The following CHRNA5 variants were observed in gnomAD, a reference collection of about 807,000 sequenced individuals.
The protein encoded by CHRNA5 is cholinergic receptor nicotinic alpha 5 subunit, also known as neuronal acetylcholine receptor subunit alpha-5.
A neutral mutation model predicts 41.2 loss-of-function variants in CHRNA5; 28 were observed. That is an observed-to-expected ratio of 0.68 (90% CI 0.50 to 0.93). CHRNA5 has a LOEUF of 0.93. Ranked by LOEUF, CHRNA5 falls within the 40% of genes least tolerant of loss-of-function variation. The pLI is 0.00. For missense variants in CHRNA5, 481 were observed against 581.9 expected (o/e 0.83, Z 1.78); for synonymous variants, 188 against 205.8 (o/e 0.91, Z 0.74).
At chr15:78,575,644 C>A (rs1383541013) in intron 1 of CHRNA5, among the ~76,000 whole-genome samples, 1 of 152,198 alleles carries the variant, frequency 6.6e-6, no homozygotes. Context: ...GTTGGTCTAT[C>A]AGTTACCATT....
intron 1 of CHRNA5, among the ~76,000 whole-genome samples, chr15:78,573,375 T>C (rs1043829127): frequency 2.6e-5 from 4 of 152,218 alleles, no homozygotes; most frequent in Non-Finnish European, 5.9e-5. Flanking sequence ...GTACTTTGCA[T>C]AGCCATAGAA....
chr15:78,569,753 G>A (rs144192346), intron 1 of CHRNA5, among the ~76,000 whole-genome samples: 54 of 151,164 alleles, frequency 3.6e-4, no homozygotes, highest in African/African-American at 1.1e-3. Context: ...TTTGAAAGAA[G>A]TTTAGAATTT....
At chr15:78,569,515 G>A (rs2141395588) in intron 1 of CHRNA5, among the ~76,000 whole-genome samples, 2 of 148,514 alleles carry the variant, frequency 1.3e-5, no homozygotes, top group South Asian at 4.3e-4. Context: ...CTCACTGCAA[G>A]CTCTGCCTCC....
intron 1 of CHRNA5, among the ~76,000 whole-genome samples, chr15:78,570,858 G>C (rs1409640218): frequency 4.6e-5 from 7 of 152,174 alleles, no homozygotes; most frequent in Non-Finnish European, 8.8e-5. Flanking sequence ...GGGGCGTCCT[G>C]TGCCTTGTAG....
At chr15:78,591,494 G>C (rs1225668402) in intron 5 of CHRNA5, among the ~76,000 whole-genome samples, 1 of 151,244 alleles carries the variant, frequency 6.6e-6, no homozygotes, top group Non-Finnish European at 1.5e-5. Flanking sequence ...TATGACTATA[G>C]TAATATTTTC....
At chr15:78,566,130 G>C (rs990852700) in intron 1 of CHRNA5, among the ~76,000 whole-genome samples, 6 of 152,150 alleles carry the variant, frequency 3.9e-5, no homozygotes, top group African/African-American at 1.4e-4. Context: ...CTCTTGTCCA[G>C]CAGGGCTTTC....
chr15:78,589,679 G>A, intron 4 of CHRNA5, 126 bp from the exon 5 acceptor site: 1 of 729,980 alleles, frequency 1.4e-6, no homozygotes, highest in Non-Finnish European at 2.2e-6. Flanking sequence ...CTTATCTGAA[G>A]TATAGTAATT....
At chr15:78,590,571 G>C (rs1376188067) in exon 5 of CHRNA5, 2 of 1,614,060 alleles carry the variant, frequency 1.2e-6, no homozygotes, top group East Asian at 4.5e-5. Context: ...AAACACATTG[G>C]AAGCTGCGCT....
intron 3 of CHRNA5, among the ~76,000 whole-genome samples, chr15:78,587,833 T>A (rs772306249): frequency 2.6e-5 from 4 of 152,188 alleles, no homozygotes; most frequent in Non-Finnish European, 5.9e-5. Context: ...GCATATATGC[T>A]TTTCTCAGGG....
At chr15:78,589,973 T>C in exon 5 of CHRNA5, 1 of 1,614,142 alleles carries the variant, frequency 6.2e-7, no homozygotes, top group East Asian at 2.2e-5. Flanking sequence ...GGACTTATGA[T>C]GGATCACAGG....
intron 2 of CHRNA5, among the ~76,000 whole-genome samples, chr15:78,581,581 G>A (rs1214842562): frequency 6.6e-6 from 1 of 152,034 alleles, no homozygotes; most frequent in East Asian, 1.9e-4. Context: ...CCAAGTATAT[G>A]TATATTTATA....
At chr15:78,586,740 T>C in intron 3 of CHRNA5, 51 bp downstream of exon 3, 3 of 1,226,196 alleles carry the variant, frequency 2.4e-6, no homozygotes, top group Non-Finnish European at 3.6e-6. Context: ...GGGACACCTA[T>C]TTTTATTATA....
chr15:78,589,936 A>G (rs1379297504), exon 5 of CHRNA5: 3 of 1,614,098 alleles, frequency 1.9e-6, no homozygotes, highest in Non-Finnish European at 2.5e-6. Context: ...TTTGACCTTC[A>G]GAACTGTTCC....
intron 2 of CHRNA5, among the ~76,000 whole-genome samples, chr15:78,581,888 A>G (rs946952421): frequency 2.0e-5 from 3 of 152,150 alleles, no homozygotes; most frequent in African/African-American, 7.2e-5. Flanking sequence ...ATACTCTCCA[A>G]ATATAATTTT....
chr15:78,572,807 G>A (rs553156156), intron 1 of CHRNA5, among the ~76,000 whole-genome samples: 160 of 152,252 alleles, frequency 1.1e-3, no homozygotes, highest in Admixed American at 1.9e-3. Context: ...ATGAAAAAAA[G>A]TTGCAGAACT....
At chr15:78,580,318 A>G (rs2052899996) in intron 1 of CHRNA5, among the ~76,000 whole-genome samples, 1 of 151,132 alleles carries the variant, frequency 6.6e-6, no homozygotes, top group Non-Finnish European at 1.5e-5. Flanking sequence ...TGCAAATTAA[A>G]GCAATTTTAA....
intron 1 of CHRNA5, among the ~76,000 whole-genome samples, chr15:78,566,197 C>G (rs1219732248): frequency 6.6e-6 from 1 of 152,088 alleles, no homozygotes. Flanking sequence ...GATATAGAGA[C>G]TCTGGGGTTC....
rs939595712 is a variant in CHRNA5 at position 78,573,257 on chromosome 15, G to A, written c.106+7432G>A. 3.3e-5 allele frequency among the ~76,000 whole-genome samples: 5 copies of A among 152,294 alleles called. No homozygotes were observed. In the East Asian group the frequency reaches 5.8e-4, roughly 18 times the overall value. On this transcript the variant is annotated intron_variant, in intron 1 of 5. Coordinates refer to ENST00000299565, the Ensembl canonical transcript of CHRNA5. The stretch of plus-strand genomic sequence containing the variant: ...GGGAATTGTCCAGCCCAAAATGTCC[G>A]TAGTGCCAAGTTGAGAAATCCTGTG...
intron 1 of CHRNA5, among the ~76,000 whole-genome samples, chr15:78,575,375 A>G (rs1347806377): frequency 2.6e-5 from 4 of 151,986 alleles, no homozygotes; most frequent in Non-Finnish European, 1.5e-5. Context: ...GAATTATCCC[A>G]TTTAATTTTT....
Sources: gnomAD v4.1 joint callset for allele counts (sites outside exome capture counted in the v4.1 genomes callset) on GRCh38, gnomAD v4.1.1 for gene constraint, MANE v1.5 for transcripts, NCBI Gene and HGNC (gene_info 2026-07-23, HGNC 2026-07-21) for gene names.